Variants in TTC28 observed in about 807,000 individuals in gnomAD.
TTC28 encodes the protein tetratricopeptide repeat protein 28.
Under a neutral mutation model 198.0 loss-of-function variants are expected in TTC28, and 61 were observed. That is an observed-to-expected ratio of 0.31 (90% confidence interval 0.25 to 0.38). The LOEUF is 0.38. Ranked by LOEUF, TTC28 falls within the 10% of genes least tolerant of loss-of-function variation. The pLI is 1.00. For synonymous variants in TTC28, 1,171 were observed against 1,297.8 expected (o/e 0.90, Z 2.10); for missense variants, 2,678 against 3,164.0 (o/e 0.85, Z 3.69).
chr22:28,195,882 G>T (rs918962073), intron 5 of TTC28, among the ~76,000 whole-genome samples: 4 of 151,648 alleles, frequency 2.6e-5, no homozygotes, highest in Non-Finnish European at 5.9e-5. Flanking sequence ...TATAGATTCA[G>T]TGCCATCTCC....
intron 5 of TTC28, among the ~76,000 whole-genome samples, chr22:28,278,114 T>C (rs929367777): frequency 3.3e-5 from 5 of 152,110 alleles, no homozygotes; most frequent in Admixed American, 6.5e-5. Context: ...CTACAGTCCC[T>C]AATATGGGTG....
chr22:28,254,672 G>GAT (rs1930761688), intron 5 of TTC28, among the ~76,000 whole-genome samples: 2 of 152,126 alleles, frequency 1.3e-5, no homozygotes, highest in South Asian at 4.1e-4. Context: ...ATTAATGTCA[G>GAT]ATATAACAGC....
intron 1 of TTC28, among the ~76,000 whole-genome samples, chr22:28,648,000 G>C (rs1008973278): frequency 6.8e-6 from 1 of 146,054 alleles, no homozygotes; most frequent in Non-Finnish European, 1.5e-5. Context: ...CGAGGCGGGC[G>C]GATCATGAGG....
At chr22:28,307,280 A>G (rs879774954) in intron 2 of TTC28, among the ~76,000 whole-genome samples, 2 of 152,216 alleles carry the variant, frequency 1.3e-5, no homozygotes, top group Admixed American at 6.5e-5. Context: ...AGTATTATCA[A>G]TTGTGATTAT....
chr22:28,626,834 C>T (rs1233788935), intron 2 of TTC28, among the ~76,000 whole-genome samples: 1 of 151,800 alleles, frequency 6.6e-6, no homozygotes, highest in Non-Finnish European at 1.5e-5. Flanking sequence ...GAGAAAAAAT[C>T]AGAAACCAAT....
chr22:28,042,477 A>T (rs1939685373), intron 12 of TTC28, among the ~76,000 whole-genome samples: 1 of 152,134 alleles, frequency 6.6e-6, no homozygotes, highest in Non-Finnish European at 1.5e-5. Context: ...AACTATCGCA[A>T]GGACAAAAAA....
At chr22:28,549,163 G>C (rs1200083433) in intron 2 of TTC28, among the ~76,000 whole-genome samples, 1 of 151,966 alleles carries the variant, frequency 6.6e-6, no homozygotes, top group South Asian at 2.1e-4. Context: ...GAGTAGCTGG[G>C]ATTACAGGCA....
intron 12 of TTC28, among the ~76,000 whole-genome samples, chr22:28,074,717 T>A (rs946021630): frequency 6.6e-6 from 1 of 152,080 alleles, no homozygotes; most frequent in Non-Finnish European, 1.5e-5. Flanking sequence ...TTTTTTGTCT[T>A]TGGGCTGACA....
At chr22:28,541,748 T>C (rs532421601) in intron 2 of TTC28, among the ~76,000 whole-genome samples, 6 of 151,818 alleles carry the variant, frequency 4.0e-5, no homozygotes, top group Admixed American at 3.9e-4. Context: ...TAAGAAAGAA[T>C]GAAAAGGAAC....
intron 6 of TTC28, among the ~76,000 whole-genome samples, chr22:28,130,654 T>TGAAA (rs142111508): frequency 0.04 from 6,147 of 152,262 alleles, 420 homozygotes; most frequent in African/African-American, 0.14. Flanking sequence ...AGGTTTTCTA[T>TGAAA]GAAAGATAAT....
chr22:28,152,379 C>G (rs1943630086), intron 6 of TTC28, among the ~76,000 whole-genome samples: 1 of 152,100 alleles, frequency 6.6e-6, no homozygotes, highest in African/African-American at 2.4e-5. Context: ...CGTCTTTGGC[C>G]TTTAGCCCTA....
intron 5 of TTC28, among the ~76,000 whole-genome samples, chr22:28,249,970 C>T (rs1930402247): frequency 6.6e-6 from 1 of 152,164 alleles, no homozygotes; most frequent in African/African-American, 2.4e-5. Context: ...AAAATGAGGA[C>T]TCTCAGCTAC....
chr22:28,516,028 C>A (rs928089538), intron 2 of TTC28, among the ~76,000 whole-genome samples: 5 of 151,836 alleles, frequency 3.3e-5, no homozygotes, highest in Non-Finnish European at 5.9e-5. Context: ...CACCTGTAAT[C>A]CCAGCTTCTC....
intron 5 of TTC28, among the ~76,000 whole-genome samples, chr22:28,251,794 T>C (rs985001667): frequency 6.6e-6 from 1 of 152,164 alleles, no homozygotes; most frequent in Non-Finnish European, 1.5e-5. Context: ...TTCATTTCAC[T>C]CTCCATTAAA....
At position 28,067,400 on chromosome 22, in the gene TTC28, C is replaced by A. The variant is rs116573521; in HGVS notation, c.3932+26680G>T. ...AATGAATATTTCAATAATTAGGTTT[C>A]TTGCAAGTTAGACTGATTGCAATAT... On this transcript the variant is annotated intron_variant, in intron 12 of 22. Coordinates refer to ENST00000397906, the MANE Select transcript of TTC28 (RefSeq NM_001145418.2). 9.2e-3 allele frequency among the ~76,000 whole-genome samples: 1,401 copies of A among 152,250 alleles called. 24 individuals are homozygous for A. Among genetic ancestry groups the A allele is most frequent in the African/African-American group, 0.031 (1,303 of 41,536 alleles).
chr22:28,279,950 C>A (rs1011955710), intron 5 of TTC28, among the ~76,000 whole-genome samples: 1 of 152,182 alleles, frequency 6.6e-6, no homozygotes, highest in African/African-American at 2.4e-5. Flanking sequence ...CCTGTTGCTA[C>A]ACATATTTTA....
chr22:28,481,236 AT>A (rs2048242876), intron 2 of TTC28, among the ~76,000 whole-genome samples: 1 of 152,202 alleles, frequency 6.6e-6, no homozygotes, highest in Admixed American at 6.5e-5. Flanking sequence ...TACCACAGAA[AT>A]TTTGGTTGTT....
At chr22:28,393,301 A>G (rs895626545) in intron 2 of TTC28, among the ~76,000 whole-genome samples, 2 of 152,216 alleles carry the variant, frequency 1.3e-5, no homozygotes, top group African/African-American at 2.4e-5. Flanking sequence ...AGTACCACTT[A>G]GCTCATGTCA....
intron 3 of TTC28, among the ~76,000 whole-genome samples, chr22:28,303,235 G>C (rs1381139156): frequency 6.6e-6 from 1 of 152,126 alleles, no homozygotes; most frequent in East Asian, 1.9e-4. Context: ...GTAATAGTAT[G>C]CTACAACACC....
Sources: allele counts gnomAD v4.1 joint callset (sites outside exome capture counted in the v4.1 genomes callset), GRCh38; gene constraint gnomAD v4.1.1; transcripts MANE v1.5; gene names NCBI Gene and HGNC (gene_info 2026-07-23, HGNC 2026-07-21).